The following HLCS variants were observed in gnomAD, a reference collection of about 807,000 sequenced individuals.
HLCS encodes the protein holocarboxylase synthetase.
In HLCS, 53 loss-of-function variants were observed where a neutral mutation model predicts 75.0. The observed-to-expected ratio is 0.71, with a 90% CI of 0.57 to 0.89. HLCS has a LOEUF of 0.89. Ranked by LOEUF, HLCS falls within the 40% of genes least tolerant of loss-of-function variation. HLCS has a pLI of 0.00. For synonymous variants in HLCS, 431 were observed against 428.6 expected, an observed-to-expected ratio of 1.01 and a Z score of -0.07; for missense variants, 966 against 1,074.0, an observed-to-expected ratio of 0.90 and a Z score of 1.41.
chr21:36,864,629 A>G (rs934864812), intron 6 of HLCS, among the ~76,000 whole-genome samples: 1 of 152,224 alleles, frequency 6.6e-6, no homozygotes, highest in Non-Finnish European at 1.5e-5. Flanking sequence ...TTCAGTTACA[A>G]TTACCAATAG....
intron 1 of HLCS, among the ~76,000 whole-genome samples, chr21:36,980,207 A>T (rs1184285771): frequency 1.3e-5 from 2 of 151,498 alleles, no homozygotes; most frequent in African/African-American, 4.8e-5. Context: ...AAAAAAAAAA[A>T]AAATAGGAAG....
At chr21:36,850,211 G>A (rs2062943226) in intron 6 of HLCS, among the ~76,000 whole-genome samples, 3 of 152,170 alleles carry the variant, frequency 2.0e-5, no homozygotes, top group Admixed American at 2.0e-4. Context: ...AGTCAGACTT[G>A]GATTTGCACC....
chr21:36,955,797 C>T (rs887547885), intron 2 of HLCS, among the ~76,000 whole-genome samples: 1 of 152,202 alleles, frequency 6.6e-6, no homozygotes, highest in Non-Finnish European at 1.5e-5. Context: ...CACTTTCAGT[C>T]CTGTAAGCTC....
chr21:36,822,816 G>A (rs558030400), intron 6 of HLCS, among the ~76,000 whole-genome samples: 1 of 152,228 alleles, frequency 6.6e-6, no homozygotes, highest in South Asian at 2.1e-4. Flanking sequence ...ACAAGAACAA[G>A]ACAAGATCTA....
At chr21:36,793,464 A>G (rs1006621195) in intron 6 of HLCS, among the ~76,000 whole-genome samples, 3 of 151,678 alleles carry the variant, frequency 2.0e-5, no homozygotes, top group African/African-American at 7.3e-5. Context: ...ACCATGCCCA[A>G]ATAATTTTTG....
At chr21:36,921,928 C>T (rs150862493) in intron 5 of HLCS, among the ~76,000 whole-genome samples, 8 of 152,262 alleles carry the variant, frequency 5.3e-5, no homozygotes, top group South Asian at 2.1e-4. Flanking sequence ...CACAAAGGCA[C>T]GTTCTATCTC....
At chr21:36,845,575 C>T (rs891861038) in intron 6 of HLCS, among the ~76,000 whole-genome samples, 1 of 152,144 alleles carries the variant, frequency 6.6e-6, no homozygotes, top group Non-Finnish European at 1.5e-5. Context: ...CAGGGACACG[C>T]TCCCAGTTAA....
chr21:36,858,804 A>G (rs2063288435), intron 6 of HLCS, among the ~76,000 whole-genome samples: 1 of 152,146 alleles, frequency 6.6e-6, no homozygotes, highest in Admixed American at 6.6e-5. Flanking sequence ...CTTCCAGGTG[A>G]AGAGGAAGCC....
At position 36,779,491 on chromosome 21, in the gene HLCS, T is replaced by C. The variant is rs2060464258; in HGVS notation, c.1893-12206A>G. Among the ~76,000 whole-genome samples, 3 of 152,314 alleles carry C rather than the reference T, an allele frequency of 2.0e-5. No individual in the cohort carries two copies. The South Asian group carries it at 6.2e-4, about 32-fold the overall frequency. Reference sequence around the variant, plus strand: ...CCTCCTTTTCTATATTCATAAATTCTTTCTCCAATAGTGGGAAATCTGGCT... The same window carrying C: ...CCTCCTTTTCTATATTCATAAATTCCTTCTCCAATAGTGGGAAATCTGGCT... On this transcript the variant is annotated intron_variant, in intron 6 of 10. Coordinates refer to ENST00000674895, the MANE Select transcript of HLCS (RefSeq NM_001352514.2).
chr21:36,792,455 AG>A (rs1019026971), intron 6 of HLCS, among the ~76,000 whole-genome samples: 27 of 54,964 alleles, frequency 4.9e-4, no homozygotes, highest in Non-Finnish European at 7.4e-4. Flanking sequence ...GAAAAGGAGA[AG>A]GGGGGGAGGG....
At position 36,850,869 on chromosome 21, in the gene HLCS, G is replaced by A. The variant is rs1409804265; in HGVS notation, c.1892+45991C>T. On this transcript the variant is annotated intron_variant, in intron 6 of 10. Coordinates refer to ENST00000674895, the MANE Select transcript of HLCS (RefSeq NM_001352514.2). ...GGAGCTCCCCTATCCTGGGCCAGTC[G>A]GGGTCTACAAGCCAGCCAGGGAAGC... Among the ~76,000 whole-genome samples the A allele has an allele frequency of 3.9e-5, 6 of 152,212 alleles. No homozygotes were observed. The East Asian group carries it at 5.8e-4, about 15-fold the overall frequency.
chr21:36,975,465 T>C (rs2068911193), intron 1 of HLCS, among the ~76,000 whole-genome samples: 1 of 152,102 alleles, frequency 6.6e-6, no homozygotes, highest in Non-Finnish European at 1.5e-5. Flanking sequence ...TGCACTTGAC[T>C]GCCTAAAGCA....
chr21:36,868,921 A>ATAG (rs1371084217), intron 6 of HLCS, among the ~76,000 whole-genome samples: 1 of 152,076 alleles, frequency 6.6e-6, no homozygotes, highest in Non-Finnish European at 1.5e-5. Context: ...GCCATCAGGT[A>ATAG]TAGTACAACC....
chr21:36,936,395 G>T (rs1027382964), intron 4 of HLCS, 54 bp downstream of exon 4: 1 of 1,463,694 alleles, frequency 6.8e-7, no homozygotes, highest in Non-Finnish European at 9.6e-7. Context: ...ATATTCCCTC[G>T]CAAAAATACC....
chr21:36,794,241 T>A (rs552314443), intron 6 of HLCS, among the ~76,000 whole-genome samples: 1 of 152,328 alleles, frequency 6.6e-6, no homozygotes, highest in South Asian at 2.1e-4. Flanking sequence ...CATTCTAGTA[T>A]GTGTGTGCAA....
chr21:36,984,731 C>G (rs540382559), intron 1 of HLCS, among the ~76,000 whole-genome samples: 1 of 152,124 alleles, frequency 6.6e-6, no homozygotes, highest in African/African-American at 2.4e-5. Context: ...TGGCTGCACT[C>G]AAAATCCAGA....
chr21:36,842,851 C>G lies in HLCS; in HGVS notation c.1892+54009G>C, dbSNP rs1194365312. On this transcript the variant is annotated intron_variant, in intron 6 of 10. Transcript: ENST00000674895. This position sits in a 1 kb window ranked among gnomAD's most constrained non-coding sequence, Gnocchi z 4.2. ...CCCTACTCTGAGGCCCTGAAAAATT[C>G]TGCAGACCTACGTCAGCCTAACCAG... Among the ~76,000 whole-genome samples, 1 of 152,350 alleles carries G rather than the reference C, an allele frequency of 6.6e-6. No individual in the cohort carries two copies. Among genetic ancestry groups the G allele is most frequent in the Middle Eastern group, 3.4e-3 (1 of 294 alleles).
At chr21:36,926,970 T>C (rs967259405) in intron 5 of HLCS, among the ~76,000 whole-genome samples, 13 of 152,370 alleles carry the variant, frequency 8.5e-5, no homozygotes, top group African/African-American at 3.1e-4. Context: ...GGTCTCGAAT[T>C]CCTGGGCTTG....
At chr21:36,912,760 C>T (rs772901895) in intron 5 of HLCS, among the ~76,000 whole-genome samples, 32 of 151,842 alleles carry the variant, frequency 2.1e-4, no homozygotes, top group Admixed American at 5.2e-4. Context: ...AATTAGCCAC[C>T]CCCCCCAACC....
Sources: gnomAD v4.1 joint callset for allele counts (sites outside exome capture counted in the v4.1 genomes callset) on GRCh38, gnomAD v4.1.1 for gene constraint, Gnocchi (gnomAD v3.1) non-coding constraint, MANE v1.5 for transcripts, NCBI Gene and HGNC (gene_info 2026-07-23, HGNC 2026-07-21) for gene names.